KALRN: variants seen among roughly 807,000 people sequenced by gnomAD.
KALRN encodes the protein kalirin.
In KALRN, 70 loss-of-function variants were observed where a neutral mutation model predicts 353.7. The ratio of observed to expected loss-of-function variants is 0.20; its 90% CI spans 0.16 to 0.24. The LOEUF is 0.24. Ranked by LOEUF, KALRN falls within the 10% of genes least tolerant of loss-of-function variation. The pLI, the probability that KALRN is intolerant of heterozygous loss-of-function variation, is 1.00. For synonymous variants in KALRN, 1,391 were observed against 1,434.8 expected, an observed-to-expected ratio of 0.97 and a Z score of 0.69; for missense variants, 2,791 against 3,756.7, an observed-to-expected ratio of 0.74 and a Z score of 6.72.
At chr3:124,192,430 A>C (rs1338866533) in intron 1 of KALRN, among the ~76,000 whole-genome samples, 2 of 152,176 alleles carry the variant, frequency 1.3e-5, no homozygotes, top group East Asian at 3.9e-4. Context: ...TAATGGATAC[A>C]AAAAATTAGA....
chr3:124,108,922 G>C (rs1348527976), intron 1 of KALRN, among the ~76,000 whole-genome samples: 1 of 152,122 alleles, frequency 6.6e-6, no homozygotes, highest in Non-Finnish European at 1.5e-5. Context: ...TTCTCACCAT[G>C]AATATAATTT....
chr3:124,556,040 A>G (rs529723253), intron 33 of KALRN, among the ~76,000 whole-genome samples: 12 of 152,320 alleles, frequency 7.9e-5, no homozygotes, highest in African/African-American at 2.6e-4. Flanking sequence ...AAATTTAGGT[A>G]TGAAGAAGGG....
intron 1 of KALRN, among the ~76,000 whole-genome samples, chr3:124,156,606 C>A (rs1439598820): frequency 1.3e-5 from 2 of 152,196 alleles, no homozygotes; most frequent in African/African-American, 4.8e-5. Flanking sequence ...TCCAACTTAG[C>A]CGAAGTCCTA....
At chr3:124,408,427 C>T (rs1033256440) in intron 13 of KALRN, among the ~76,000 whole-genome samples, 4 of 152,206 alleles carry the variant, frequency 2.6e-5, no homozygotes, top group African/African-American at 9.6e-5. Flanking sequence ...TCATTAAATG[C>T]TCAGCTCTAC....
intron 2 of KALRN, among the ~76,000 whole-genome samples, chr3:124,233,222 A>G (rs934573945): frequency 5.1e-4 from 78 of 152,194 alleles, no homozygotes; most frequent in African/African-American, 1.9e-3. Flanking sequence ...ACAAGCAAAC[A>G]AACTGCCAGA....
At chr3:124,376,904 C>T (rs1345857608) in intron 10 of KALRN, among the ~76,000 whole-genome samples, 4 of 151,452 alleles carry the variant, frequency 2.6e-5, no homozygotes, top group Admixed American at 2.6e-4. Flanking sequence ...AACATGCACA[C>T]AAAAGGAGTG....
chr3:124,286,100 T>TTTCTTTCTTTCC (rs1491449299), intron 5 of KALRN, among the ~76,000 whole-genome samples: 2 of 145,342 alleles, frequency 1.4e-5, no homozygotes, highest in Non-Finnish European at 3.0e-5. Flanking sequence ...TCTTTCTTTC[T>TTTCTTTCTTTCC]TTCTTTCTTT....
chr3:124,504,557 G>A (rs1373260623), intron 33 of KALRN, among the ~76,000 whole-genome samples: 1 of 152,202 alleles, frequency 6.6e-6, no homozygotes, highest in Non-Finnish European at 1.5e-5. Flanking sequence ...ATTACAAAGT[G>A]GTTCTGTAGC....
At position 124,572,071 on chromosome 3, in the gene KALRN, C is replaced by T. The variant is rs147589510; in HGVS notation, c.5182+8982C>T. On this transcript the variant is annotated intron_variant, in intron 34 of 59. Transcript: ENST00000682506. Reference sequence around the variant, plus strand: ...GGTGCAGTGGCTCACATCTTTAACCCCAGCACTTTGGGAGGCCAAGGCAGA... The same window carrying T: ...GGTGCAGTGGCTCACATCTTTAACCTCAGCACTTTGGGAGGCCAAGGCAGA... 3.0e-3 allele frequency among the ~76,000 whole-genome samples: 449 copies of T among 151,616 alleles called. 5 individuals carry two copies. Among genetic ancestry groups the T allele is most frequent in the African/African-American group, 0.01 (414 of 41,378 alleles).
At chr3:124,383,919 C>T (rs74557206) in intron 10 of KALRN, among the ~76,000 whole-genome samples, 1,915 of 152,206 alleles carry the variant, frequency 0.013, 33 homozygotes, top group African/African-American at 0.042. Context: ...TCTGCTTGTT[C>T]GCCACTCTAG....
intron 41 of KALRN, 145 bp downstream of exon 41, chr3:124,657,948 A>G: frequency 1.5e-6 from 1 of 650,338 alleles, no homozygotes; most frequent in Non-Finnish European, 2.7e-6. Flanking sequence ...GACCCCAGGA[A>G]TTGAGACCAG....
At chr3:124,460,795 A>G (rs1302038974) in intron 23 of KALRN, among the ~76,000 whole-genome samples, 1 of 152,236 alleles carries the variant, frequency 6.6e-6, no homozygotes, top group Non-Finnish European at 1.5e-5. Flanking sequence ...AGAAAAATAT[A>G]GAATATACCA....
chr3:124,128,385 A>G (rs1466661466), intron 1 of KALRN, among the ~76,000 whole-genome samples: 1 of 152,208 alleles, frequency 6.6e-6, no homozygotes, highest in African/African-American at 2.4e-5. Context: ...AGATATTTGG[A>G]CCTGAAAAAG....
intron 37 of KALRN, among the ~76,000 whole-genome samples, chr3:124,638,155 G>A (rs1414372048): frequency 3.9e-5 from 6 of 151,942 alleles, no homozygotes; most frequent in African/African-American, 9.7e-5. Flanking sequence ...ACTTCTATTG[G>A]GCAGTCTTAT....
chr3:124,664,371 G>GCGCGCGCA lies in KALRN; in HGVS notation c.6346-2071_6346-2070insACGCGCGC, dbSNP rs1553719836. 2.6e-4 allele frequency among the ~76,000 whole-genome samples: 20 copies of GCGCGCGCA among 77,078 alleles called. No homozygotes were observed. The South Asian group carries it at 3.1e-3, about 12-fold the overall frequency. The allele number at this position is 77,078 out of a possible 152,430, so 50.6% of individuals were successfully genotyped here. On this transcript the variant is annotated intron_variant, in intron 45 of 59. Coordinates refer to ENST00000682506, the MANE Select transcript of KALRN (RefSeq NM_001388419.1). Reference sequence around the variant, plus strand: ...TGTGTGTGTGTGTGTGTGTGTGTGTGCGCGCGCGCGCATATAAGGGCACCC... The same window carrying GCGCGCGCA: ...TGTGTGTGTGTGTGTGTGTGTGTGTGCGCGCGCACGCGCGCGCGCATATAAGGGCACCC...
intron 34 of KALRN, among the ~76,000 whole-genome samples, chr3:124,628,912 GA>G (rs1358769336): frequency 6.6e-6 from 1 of 151,904 alleles, no homozygotes; most frequent in Non-Finnish European, 1.5e-5. Context: ...CCTATTTCAG[GA>G]TTTTATTTCT....
At chr3:124,149,666 C>A (rs2067828280) in intron 1 of KALRN, among the ~76,000 whole-genome samples, 1 of 152,178 alleles carries the variant, frequency 6.6e-6, no homozygotes, top group South Asian at 2.1e-4. Flanking sequence ...TCAGTTCTTT[C>A]ACCAATGAAA....
chr3:124,490,630 G>C (rs2063057897), intron 29 of KALRN, 64 bp from the exon 30 acceptor site: 1 of 1,483,126 alleles, frequency 6.7e-7, no homozygotes, highest in Non-Finnish European at 9.2e-7. Context: ...AGAGGGGGGT[G>C]GAACATGGCC....
intron 6 of KALRN, among the ~76,000 whole-genome samples, chr3:124,310,266 A>G (rs1307124233): frequency 6.6e-6 from 1 of 152,200 alleles, no homozygotes; most frequent in African/African-American, 2.4e-5. Context: ...GAAATTAAAG[A>G]TACAAATAAA....
Sources: allele counts gnomAD v4.1 joint callset (sites outside exome capture counted in the v4.1 genomes callset), GRCh38; gene constraint gnomAD v4.1.1; transcripts MANE v1.5; gene names NCBI Gene and HGNC (gene_info 2026-07-23, HGNC 2026-07-21).